The following NUDC variants were observed in gnomAD, a reference collection of about 807,000 sequenced individuals.
NUDC encodes the protein nuclear distribution C, dynein complex regulator.
In NUDC, 14 loss-of-function variants were observed where a neutral mutation model predicts 45.0. That is an observed-to-expected ratio of 0.31 (90% CI 0.21 to 0.49). NUDC has a LOEUF of 0.49. Ranked by LOEUF, NUDC falls within the 20% of genes least tolerant of loss-of-function variation. NUDC has a pLI of 0.99. For missense variants in NUDC, 323 were observed against 426.2 expected (o/e 0.76, Z 2.13); for synonymous variants, 153 against 156.7 (o/e 0.98, Z 0.17).
chr1:26,926,305 A>T (rs1397893505), intron 2 of NUDC, among the ~76,000 whole-genome samples: 35 of 152,324 alleles, frequency 2.3e-4, no homozygotes. Context: ...TGTGTCCTGA[A>T]TGTCTGAGGC....
At chr1:26,939,658 G>T (rs1446572120) in intron 2 of NUDC, among the ~76,000 whole-genome samples, 1 of 152,132 alleles carries the variant, frequency 6.6e-6, no homozygotes, top group East Asian at 1.9e-4. Context: ...GGTCACGCAG[G>T]TAAGAGTAGA....
At chr1:26,921,668 C>G, upstream of NUDC, 1 of 663,530 alleles carries the variant, frequency 1.5e-6, no homozygotes, top group Non-Finnish European at 2.6e-6. Flanking sequence ...TGGCCGCAAA[C>G]CGGGAGGAAG....
At chr1:26,932,138 A>G (rs992306343) in intron 2 of NUDC, among the ~76,000 whole-genome samples, 1 of 151,388 alleles carries the variant, frequency 6.6e-6, no homozygotes, top group African/African-American at 2.4e-5. Flanking sequence ...CCCCTTAAGT[A>G]GCTTGGACTC....
At chr1:26,911,224 G>A in exon 3 of NUDC, 1 of 466,258 alleles carries the variant, frequency 2.1e-6, no homozygotes, top group Non-Finnish European at 4.5e-6. Context: ...CTGTGATTGG[G>A]CTTTCACTGT....
Position 26,942,561 on chromosome 1 carries a change from G to A in NUDC, c.430-99G>A, listed in dbSNP as rs532528257. 57 of 1,560,506 alleles carry A rather than the reference G, an allele frequency of 3.7e-5. No homozygotes were observed. In the East Asian group the frequency reaches 1.2e-3, roughly 34 times the overall value. On this transcript the variant is annotated intron_variant, in intron 4 of 8. Transcript: ENST00000321265. ...AGGGACCAGGTCTGTTTTCTTTTGTGGCTGTATGCCCAGTGCTAGCCCTGG... is the reference window on the plus strand; with the variant it reads ...AGGGACCAGGTCTGTTTTCTTTTGTAGCTGTATGCCCAGTGCTAGCCCTGG...
chr1:26,922,116 C>T, intron 1 of NUDC, 187 bp downstream of exon 1: 1 of 629,894 alleles, frequency 1.6e-6, no homozygotes, highest in Non-Finnish European at 2.8e-6. Flanking sequence ...GCATCAGTCC[C>T]GGGCCCCCGG....
At chr1:26,907,002 T>G (rs2082005583) in intron 2 of NUDC, among the ~76,000 whole-genome samples, 1 of 152,290 alleles carries the variant, frequency 6.6e-6, no homozygotes, top group Admixed American at 6.5e-5. Flanking sequence ...CTGACTCCCC[T>G]GAGATCTTAG....
chr1:26,944,749 C>T (rs1333874321), intron 6 of NUDC, among the ~76,000 whole-genome samples: 4 of 151,554 alleles, frequency 2.6e-5, no homozygotes, highest in African/African-American at 9.7e-5. Context: ...TTGCAGTGAG[C>T]TGACTGCACC....
At chr1:26,927,201 TCA>T (rs2082139871) in intron 2 of NUDC, among the ~76,000 whole-genome samples, 28 of 143,880 alleles carry the variant, frequency 1.9e-4, no homozygotes, top group African/African-American at 4.0e-4. Flanking sequence ...TGTGTGTGTG[TCA>T]GGGTCTTGCT....
rs1001558366 is a variant in NUDC, at chr1:26,921,758, C to G, written c.-91C>G. The G allele has an allele frequency of 2.2e-6, 3 of 1,379,804 alleles. No individual in the cohort carries two copies. Among genetic ancestry groups the G allele is most frequent in the East Asian group, 2.5e-5 (1 of 39,888 alleles). 85.5% of individuals were successfully genotyped at this position (1,379,804 alleles called of 1,614,324 possible). A position where few individuals can be genotyped will look rare whatever the true frequency, so the allele number is the denominator to read the frequency against. ...CGGCTCCGCTGCGGAAGGCGGACGA[C>G]TAGAGTCGTTGGGCCCGGCGCGACC... On this transcript the variant is annotated 5_prime_UTR_variant, in exon 1 of 9. Coordinates refer to ENST00000321265, the MANE Select transcript of NUDC (RefSeq NM_006600.4).
At chr1:26,931,250 G>T (rs2082181023) in intron 2 of NUDC, among the ~76,000 whole-genome samples, 1 of 148,862 alleles carries the variant, frequency 6.7e-6, no homozygotes, top group South Asian at 2.2e-4. Context: ...GCTAATTTTT[G>T]TATTTTTAGT....
intron 2 of NUDC, among the ~76,000 whole-genome samples, chr1:26,925,629 G>A (rs1010331425): frequency 1.3e-5 from 2 of 149,872 alleles, no homozygotes; most frequent in African/African-American, 4.9e-5. Flanking sequence ...AAGGATTTCT[G>A]TTTTGTAGTA....
At chr1:26,907,352 C>T (rs560038170) in intron 2 of NUDC, among the ~76,000 whole-genome samples, 1 of 152,320 alleles carries the variant, frequency 6.6e-6, no homozygotes, top group Admixed American at 6.5e-5. Flanking sequence ...CTCTGCATTA[C>T]AATTACTTAC....
At chr1:26,901,428 G>A in intron 1 of NUDC, among the ~76,000 whole-genome samples, 1 of 115,570 alleles carries the variant, frequency 8.7e-6, no homozygotes, top group South Asian at 3.0e-4. Flanking sequence ...TTTTTGAGAT[G>A]GAGCCTCGCT....
At chr1:26,929,581 G>C (rs531719432) in intron 2 of NUDC, 1 of 209,776 alleles carries the variant, frequency 4.8e-6, no homozygotes, top group African/African-American at 2.3e-5. Context: ...GAGCATCCTC[G>C]GAAATTAGTG....
chr1:26,924,966 C>T (rs578219508), intron 2 of NUDC, among the ~76,000 whole-genome samples: 5 of 151,734 alleles, frequency 3.3e-5, no homozygotes, highest in African/African-American at 7.2e-5. Flanking sequence ...CTGCAACCTC[C>T]GCCTCCTGGG....
intron 6 of NUDC, among the ~76,000 whole-genome samples, chr1:26,943,574 T>C (rs554414196): frequency 2.2e-4 from 33 of 152,206 alleles, no homozygotes; most frequent in African/African-American, 7.0e-4. Flanking sequence ...TTGAAAGTCT[T>C]AGTTTCTAAA....
intron 2 of NUDC, among the ~76,000 whole-genome samples, chr1:26,925,538 C>CAAAAAA (rs71010305): frequency 2.3e-5 from 1 of 43,366 alleles, no homozygotes; most frequent in Non-Finnish European, 4.7e-5. Context: ...GACTCCGTCT[C>CAAAAAA]AAAAAAAAAA....
In NUDC at chr1:26,942,681, G is replaced by A; in HGVS notation, c.451G>A (p.Glu151Lys). The change falls in exon 5 of 9, where the codon GAA becomes AAA. Residue 151 changes from glutamate to lysine, a missense_variant. Around this residue, in one of 3 missense-constraint regions of NUDC, gnomAD observed 245 missense variants for 278.8 expected, o/e 0.88. Transcript: ENST00000321265. ...GCAGGATACTGAGGAAGATGAGGAG[G>A]AAGATGAGAAGGACAAAGGAAAACT... ...GKQDTEEDEE[E>K]DEKDKGKLKP... 4 of 1,614,210 alleles carry A rather than the reference G, an allele frequency of 2.5e-6. No homozygotes were observed. The highest frequency in any genetic ancestry group is 3.4e-6 in the Non-Finnish European group (4 of 1,180,042).
Sources: allele counts gnomAD v4.1 joint callset (sites outside exome capture counted in the v4.1 genomes callset), GRCh38; gene constraint gnomAD v4.1.1; regional missense constraint gnomAD v4.1.1; transcripts MANE v1.5; gene names NCBI Gene and HGNC (gene_info 2026-07-23, HGNC 2026-07-21).